The following PHAF1 variants were observed in gnomAD, a reference collection of about 807,000 sequenced individuals.
PHAF1 encodes the protein phagophore assembly factor 1.
In PHAF1, 23 loss-of-function variants were observed where a neutral mutation model predicts 63.1. The ratio of observed to expected loss-of-function variants is 0.36; its 90% CI spans 0.26 to 0.52. PHAF1 has a LOEUF of 0.52. Among genes scored for constraint, PHAF1 ranks in the 20% least tolerant of loss-of-function variants. PHAF1 has a pLI of 0.93. For synonymous variants in PHAF1, 167 were observed against 185.0 expected (o/e 0.90, Z 0.79); for missense variants, 427 against 517.2 (o/e 0.83, Z 1.69).
Position 67,142,381 on chromosome 16 carries a change from C to T in PHAF1, c.879+1787C>T, listed in dbSNP as rs974018908. Among the ~76,000 whole-genome samples the T allele has an allele frequency of 3.9e-5, 6 of 152,348 alleles. 1 individual carries two copies. Among genetic ancestry groups the T allele is most frequent in the South Asian group, 4.1e-4 (2 of 4,832 alleles). ...CACAGACTACCCAGAGCTGGCAGCC[C>T]GGCCCCCAGGCCTCAGGCCATCCCA... On this transcript the variant is annotated intron_variant, in intron 10 of 15. Transcript: ENST00000219139.
intron 13 of PHAF1, 60 bp downstream of exon 13, chr16:67,145,479 G>A: frequency 6.8e-6 from 11 of 1,612,716 alleles, no homozygotes; most frequent in Non-Finnish European, 9.3e-6. Flanking sequence ...GAGCCTGCAG[G>A]CAGTATGGGG....
intron 3 of PHAF1, among the ~76,000 whole-genome samples, chr16:67,130,144 T>C (rs1963334379): frequency 6.6e-6 from 1 of 151,748 alleles, no homozygotes; most frequent in African/African-American, 2.4e-5. Context: ...CCTCCCGGGT[T>C]CACGCCATTC....
At chr16:67,140,646 G>C in intron 10 of PHAF1, 52 bp downstream of exon 10, 1 of 1,317,634 alleles carries the variant, frequency 7.6e-7, no homozygotes, top group Non-Finnish European at 1.1e-6. Flanking sequence ...GGTGGGCAGT[G>C]CATCTTTGCA....
intron 6 of PHAF1, 166 bp downstream of exon 6, chr16:67,133,077 CAG>C (rs1963469427): frequency 1.6e-6 from 1 of 631,248 alleles, no homozygotes; most frequent in Non-Finnish European, 2.8e-6. Context: ...GGTGGGTTGA[CAG>C]AGGAAGAACA....
intron 3 of PHAF1, among the ~76,000 whole-genome samples, chr16:67,129,795 G>A (rs377725541): frequency 6.6e-6 from 1 of 152,196 alleles, no homozygotes; most frequent in Non-Finnish European, 1.5e-5. Context: ...GGAGTGTTAG[G>A]TGATGCCTAT....
chr16:67,113,279 C>G (rs1962592535), intron 1 of PHAF1, among the ~76,000 whole-genome samples: 1 of 152,122 alleles, frequency 6.6e-6, no homozygotes, highest in Non-Finnish European at 1.5e-5. Context: ...AGCTCCTTGG[C>G]TGCCTTCCTG....
chr16:67,121,966 C>T (rs901833423), intron 2 of PHAF1, among the ~76,000 whole-genome samples: 13 of 152,084 alleles, frequency 8.5e-5, no homozygotes, highest in African/African-American at 3.1e-4. Context: ...GACATGATCA[C>T]AACTCACTGC....
chr16:67,142,574 G>A (rs921213035), intron 10 of PHAF1, among the ~76,000 whole-genome samples: 4 of 152,198 alleles, frequency 2.6e-5, no homozygotes, highest in Non-Finnish European at 5.9e-5. Flanking sequence ...CAACCAGGTC[G>A]TGACAGCGCC....
At chr16:67,113,595 G>A (rs1962613709) in intron 1 of PHAF1, among the ~76,000 whole-genome samples, 3 of 150,912 alleles carry the variant, frequency 2.0e-5, no homozygotes, top group Admixed American at 6.6e-5. Flanking sequence ...GACTACAGGC[G>A]CCCGCCACCA....
chr16:67,125,914 T>G (rs924811287), intron 2 of PHAF1, 45 bp from the exon 3 acceptor site: 1 of 1,385,740 alleles, frequency 7.2e-7, no homozygotes, highest in African/African-American at 1.4e-5. Flanking sequence ...AGGTGCTTAG[T>G]GAATAAATCA....
At chr16:67,144,411 G>T in intron 11 of PHAF1, 35 bp downstream of exon 11, 1 of 1,504,258 alleles carries the variant, frequency 6.6e-7, no homozygotes, top group Non-Finnish European at 9.2e-7. Context: ...CCTCTGTGAA[G>T]TGAGTTTTGG....
In PHAF1 at chr16:67,145,937, CCTTTGAG is replaced by C. The variant is rs1400138803; in HGVS notation, c.1109+319_1109+325del. ...GGCTGGCTGGCCTGGGCTCTTTTTC[CCTTTGAG>C]CTTTGAGCTGCTGCCTGCTGAAGTC... On this transcript the variant is annotated intron_variant, in intron 14 of 15. Coordinates refer to ENST00000219139, the MANE Select transcript of PHAF1 (RefSeq NM_025187.5). Among the ~76,000 whole-genome samples, 11 of 152,130 alleles carry C rather than the reference CCTTTGAG, an allele frequency of 7.2e-5. No homozygotes were observed. The South Asian group carries it at 1.9e-3, about 26-fold the overall frequency.
intron 8 of PHAF1, among the ~76,000 whole-genome samples, chr16:67,138,515 T>A (rs1437365189): frequency 6.7e-6 from 1 of 148,714 alleles, no homozygotes; most frequent in Non-Finnish European, 1.5e-5. Flanking sequence ...TTGGCTTCCT[T>A]TTTTTTTTTG....
intron 14 of PHAF1, 100 bp from the exon 15 acceptor site, chr16:67,146,178 G>A: frequency 3.8e-6 from 4 of 1,050,648 alleles, no homozygotes; most frequent in Non-Finnish European, 6.0e-6. Flanking sequence ...AGCCATGAGA[G>A]ACTACTGGCC....
chr16:67,139,042 C>T (rs1221245658), intron 8 of PHAF1, among the ~76,000 whole-genome samples: 3 of 151,690 alleles, frequency 2.0e-5, no homozygotes, highest in Non-Finnish European at 4.4e-5. Flanking sequence ...CCTTAGCCTC[C>T]CAAGTAGCTA....
intron 8 of PHAF1, 175 bp downstream of exon 8, chr16:67,134,642 A>C (rs1270289172): frequency 1.4e-6 from 1 of 705,584 alleles, no homozygotes; most frequent in African/African-American, 1.7e-5. Flanking sequence ...GGAGGCTGGG[A>C]AGTCCAAGAT....
At chr16:67,127,562 T>C (rs1041071710) in intron 3 of PHAF1, among the ~76,000 whole-genome samples, 1 of 152,082 alleles carries the variant, frequency 6.6e-6, no homozygotes, top group African/African-American at 2.4e-5. Flanking sequence ...TTTGGGAGGC[T>C]GAGGCGGGTG....
chr16:67,132,179 G>T, intron 4 of PHAF1: 1 of 322,856 alleles, frequency 3.1e-6, no homozygotes, highest in Non-Finnish European at 5.6e-6. Context: ...AGGGTCTGGT[G>T]GCTTCTCTTC....
chr16:67,117,124 C>T (rs994429745), intron 1 of PHAF1, among the ~76,000 whole-genome samples: 2 of 151,610 alleles, frequency 1.3e-5, no homozygotes, highest in African/African-American at 2.4e-5. Context: ...CTTCTGCCTG[C>T]CAGGTTTAAG....
Sources: allele counts gnomAD v4.1 joint callset (sites outside exome capture counted in the v4.1 genomes callset), GRCh38; gene constraint gnomAD v4.1.1; transcripts MANE v1.5; gene names NCBI Gene and HGNC (gene_info 2026-07-23, HGNC 2026-07-21).